The following GPR174 variants were observed in gnomAD, a reference collection of about 807,000 sequenced individuals.
GPR174 encodes G protein-coupled receptor 174, also known as probable G protein-coupled receptor 174.
In GPR174, 8 loss-of-function variants were observed where a neutral mutation model predicts 16.5. The ratio of observed to expected loss-of-function variants is 0.48; its 90% CI spans 0.28 to 0.87. The LOEUF (loss-of-function observed/expected upper bound fraction) is 0.87, where lower values mean the gene tolerates loss of function less well. GPR174 is among the 40% of genes least tolerant of loss of function. GPR174 has a pLI of 0.09. For missense variants in GPR174, 214 were observed against 247.5 expected, an observed-to-expected ratio of 0.86 and a Z score of 0.91; for synonymous variants, 111 against 94.8, an observed-to-expected ratio of 1.17 and a Z score of -0.99.
At chrX:79,162,070 G>T (rs1921247717) in intron 2 of GPR174, among the ~76,000 whole-genome samples, 1 of 112,240 alleles carries the variant, frequency 8.9e-6, no homozygotes, top group Non-Finnish European at 1.9e-5. Context: ...CTCATGGATT[G>T]CAGGTAAAGA....
chrX:79,164,303 G>C (rs142699708), intron 2 of GPR174, among the ~76,000 whole-genome samples: 1,582 of 111,168 alleles, frequency 0.014, 25 homozygotes, highest in African/African-American at 0.049. Context: ...AAATGTAGTA[G>C]CTTACAAAAG....
At position 79,173,198 on chromosome X, in the gene GPR174, G is replaced by A. The variant is rs1159061721; in HGVS notation, c.*1189G>A. 9.0e-6 allele frequency: 1 copy of A among 110,861 alleles called. No homozygotes were observed. The highest frequency in any genetic ancestry group is 1.9e-5 in the Non-Finnish European group (1 of 52,934). 9.1% of individuals were successfully genotyped at this position (110,861 alleles called of 1,213,427 possible). The stretch of plus-strand genomic sequence containing the variant: ...CATTGATTTTTTTTGGTCTAGCTTT[G>A]CCCCAGACATACCATTCTAAAGCCT... On this transcript the variant is annotated 3_prime_UTR_variant, in exon 3 of 3. Coordinates refer to ENST00000645147, the MANE Select transcript of GPR174 (RefSeq NM_032553.3).
At chrX:79,159,377 C>T (rs1260834962) in intron 2 of GPR174, among the ~76,000 whole-genome samples, 7 of 111,938 alleles carry the variant, frequency 6.3e-5, no homozygotes, top group Non-Finnish European at 9.4e-5. Flanking sequence ...ATTATTTTTT[C>T]CTGGATACAT....
intron 2 of GPR174, among the ~76,000 whole-genome samples, chrX:79,163,660 T>C (rs1921287506): frequency 8.9e-6 from 1 of 112,433 alleles, no homozygotes; most frequent in Admixed American, 9.4e-5. Context: ...TTTTATCCTA[T>C]GAAATAAGGA....
At chrX:79,160,608 G>A (rs1810892671) in intron 2 of GPR174, among the ~76,000 whole-genome samples, 1 of 111,571 alleles carries the variant, frequency 9.0e-6, no homozygotes, top group African/African-American at 3.3e-5. Context: ...ATTGTCTCAG[G>A]CTAAAGAGAT....
rs906161012 is a variant in GPR174 at position 79,170,747 on chromosome X, G to C, written c.-261G>C. 2.9e-6 allele frequency: 1 copy of C among 344,362 alleles called. No individual in the cohort carries two copies. The highest frequency in any genetic ancestry group is 5.0e-6 in the Non-Finnish European group (1 of 201,560). 28.4% of individuals were successfully genotyped at this position (344,362 alleles called of 1,213,427 possible). On this transcript the variant is annotated 5_prime_UTR_variant, in exon 3 of 3. Transcript: ENST00000645147. ...CTTAAAATAAACAAGAGGGGAAATT[G>C]TAACAGCTTGTCATCTGTGCTTGTA...
chrX:79,147,847 T>A (rs1447875625), intron 1 of GPR174, among the ~76,000 whole-genome samples: 2 of 111,781 alleles, frequency 1.8e-5, no homozygotes, highest in Non-Finnish European at 3.8e-5. Flanking sequence ...ATATTACTAA[T>A]GTTTGTCATA....
At chrX:79,157,014 C>A (rs1331965531) in intron 2 of GPR174, 96 bp downstream of exon 2, 1 of 111,961 alleles carries the variant, frequency 8.9e-6, no homozygotes, top group Non-Finnish European at 1.9e-5. Flanking sequence ...AGAGCGTTTG[C>A]TACCCACCTG....
intron 2 of GPR174, among the ~76,000 whole-genome samples, chrX:79,168,386 CTTGCAATTAGTGT>C (rs1921427082): frequency 9.0e-6 from 1 of 111,537 alleles, no homozygotes; most frequent in Non-Finnish European, 1.9e-5. Context: ...GGCATCTCTA[CTTGCAATTAGTGT>C]CTCAAAGACC....
chrX:79,170,504 C>A lies in GPR174; in HGVS notation c.-504C>A, dbSNP rs1921484701. On this transcript the variant is annotated 5_prime_UTR_variant, in exon 3 of 3. Coordinates refer to ENST00000645147, the MANE Select transcript of GPR174 (RefSeq NM_032553.3). Reference sequence around the variant, plus strand: ...TTTTGACCTATAGCTGAAAAAGTCCCAGAAAGCTGATCTTTCCAAGTTAAT... The same window carrying A: ...TTTTGACCTATAGCTGAAAAAGTCCAAGAAAGCTGATCTTTCCAAGTTAAT... 1 of 110,782 alleles carries A rather than the reference C, an allele frequency of 9.0e-6. No homozygotes were observed. Among genetic ancestry groups the A allele is most frequent in the Non-Finnish European group, 1.9e-5 (1 of 53,131 alleles). The allele number at this position is 110,782 out of a possible 1,213,427, so 9.1% of individuals were successfully genotyped here.
intron 2 of GPR174, among the ~76,000 whole-genome samples, chrX:79,168,060 A>G (rs1408166199): frequency 1.8e-5 from 2 of 112,335 alleles, no homozygotes; most frequent in Non-Finnish European, 3.8e-5. Context: ...TACTTTGAAG[A>G]TTTTCAAAAG....
In GPR174 at chrX:79,175,007, T is replaced by C. The variant is rs1921607904; in HGVS notation, c.*2998T>C. 8.9e-6 allele frequency: 1 copy of C among 112,003 alleles called. No individual in the cohort carries two copies. Among genetic ancestry groups the C allele is most frequent in the African/African-American group, 3.2e-5 (1 of 30,824 alleles). 9.2% of individuals were successfully genotyped at this position (112,003 alleles called of 1,213,427 possible). A position where few individuals can be genotyped will look rare whatever the true frequency, so the allele number is the denominator to read the frequency against. The stretch of plus-strand genomic sequence containing the variant: ...ATAAGAAAAACTTTGTATGTAGTGA[T>C]TTCTATGTAAAAATATTGTTATTAT... On this transcript the variant is annotated 3_prime_UTR_variant, in exon 3 of 3. Coordinates refer to ENST00000645147, the MANE Select transcript of GPR174 (RefSeq NM_032553.3).
intron 1 of GPR174, among the ~76,000 whole-genome samples, chrX:79,151,221 T>C (rs1421109070): frequency 1.8e-5 from 2 of 111,674 alleles, no homozygotes; most frequent in Non-Finnish European, 3.8e-5. Context: ...AACGATATAC[T>C]AAGGATTGGG....
At chrX:79,150,162 G>A (rs759826518) in intron 1 of GPR174, among the ~76,000 whole-genome samples, 24 of 111,543 alleles carry the variant, frequency 2.2e-4, no homozygotes, top group African/African-American at 6.8e-4. Flanking sequence ...CAGGTTATAA[G>A]TTATTCCTTG....
Position 79,171,074 on chromosome X carries a change from G to T in GPR174, c.67G>T (p.Ala23Ser), listed in dbSNP as rs1237915345. ...TACAGATTTTCGATACTTTATTTATGCAGTGACATACACTGTCATTCTTGT... is the reference window on the plus strand; with the variant it reads ...TACAGATTTTCGATACTTTATTTATTCAGTGACATACACTGTCATTCTTGT... ...DNTDFRYFIY[A>S]VTYTVILVPG... The change falls in exon 3 of 3, where the codon GCA becomes TCA. Residue 23 changes from alanine to serine, a missense_variant. By Grantham distance (99) the Ala-to-Ser change is moderately conservative. Coordinates refer to ENST00000645147, the MANE Select transcript of GPR174 (RefSeq NM_032553.3). 1.7e-6 allele frequency: 2 copies of T among 1,206,262 alleles called. No homozygotes were observed. Among genetic ancestry groups the T allele is most frequent in the Non-Finnish European group, 2.2e-6 (2 of 890,930 alleles).
chrX:79,157,798 G>A (rs1363443571), intron 2 of GPR174, among the ~76,000 whole-genome samples: 1 of 110,470 alleles, frequency 9.1e-6, no homozygotes, highest in Non-Finnish European at 1.9e-5. Flanking sequence ...GAAGTGTGTT[G>A]CCCAAGCACA....
intron 2 of GPR174, among the ~76,000 whole-genome samples, chrX:79,167,199 A>G (rs1921394786): frequency 8.9e-6 from 1 of 112,237 alleles, no homozygotes; most frequent in African/African-American, 3.2e-5. Flanking sequence ...ATTGGTTTTG[A>G]TATTGCCCTT....
chrX:79,168,163 G>C (rs1921422502), intron 2 of GPR174, among the ~76,000 whole-genome samples: 1 of 112,111 alleles, frequency 8.9e-6, no homozygotes, highest in Non-Finnish European at 1.9e-5. Flanking sequence ...GATTGCTCAT[G>C]TGTCATAATG....
chrX:79,159,176 G>T (rs1400328056), intron 2 of GPR174, among the ~76,000 whole-genome samples: 2 of 111,140 alleles, frequency 1.8e-5, no homozygotes, highest in African/African-American at 6.5e-5. Context: ...AAATTAACTG[G>T]GGGAAATTCA....
Sources: allele counts gnomAD v4.1 joint callset (sites outside exome capture counted in the v4.1 genomes callset), GRCh38; gene constraint gnomAD v4.1.1; transcripts MANE v1.5; gene names NCBI Gene and HGNC (gene_info 2026-07-23, HGNC 2026-07-21).